Variants in RYR3 observed in about 807,000 individuals in gnomAD.
RYR3 encodes ryanodine receptor 3.
Under a neutral mutation model 584.3 loss-of-function variants are expected in RYR3, and 207 were observed. The observed-to-expected ratio is 0.35, with a 90% CI of 0.32 to 0.40. The LOEUF (loss-of-function observed/expected upper bound fraction) is 0.40. Ranked by LOEUF, RYR3 falls within the 10% of genes least tolerant of loss-of-function variation. RYR3 has a pLI of 1.00. For synonymous variants in RYR3, 2,416 were observed against 2,248.5 expected (o/e 1.07, Z -2.11); for missense variants, 5,616 against 6,089.2 (o/e 0.92, Z 2.59).
rs1309957780 is a variant in RYR3, at chr15:33,699,849, TG to T, written c.6379+17del. On this transcript the variant is annotated intron_variant, in intron 41 of 103. Coordinates refer to ENST00000634891, the MANE Select transcript of RYR3 (RefSeq NM_001036.6). The stretch of plus-strand genomic sequence containing the variant: ...GTTGGCCTAGGTGCGTAAGTCTTCT[TG>T]TAACTTCCACATCCAAACTCGAAGG... 5 of 1,605,060 alleles carry T rather than the reference TG, an allele frequency of 3.1e-6. No homozygotes were observed.
chr15:33,780,196 C>T lies in RYR3; in HGVS notation c.9138-15C>T, dbSNP rs1457722690. ...GTGGGGGGCCACACTTCTCAATGGA[C>T]TTCTTTGTTTCCAGGCAACGCCCTG... On this transcript the variant is annotated splice_polypyrimidine_tract_variant and intron_variant, in intron 64 of 103. Transcript: ENST00000634891. 8.1e-6 allele frequency: 13 copies of T among 1,612,188 alleles called. No individual in the cohort carries two copies. Among genetic ancestry groups the T allele is most frequent in the African/African-American group, 1.3e-5 (1 of 75,040 alleles).
rs533177969 is a variant in RYR3 at position 33,750,733 on chromosome 15, T to A, written c.8399+447T>A. 3.4e-4 allele frequency among the ~76,000 whole-genome samples: 52 copies of A among 151,032 alleles called. 1 individual carries two copies. The South Asian group carries it at 7.5e-3, about 22-fold the overall frequency. ...GTAAATGCAGTACCCTAGATATTTT[T>A]TTATTATTATTTAAGTTCTGGAGTA... On this transcript the variant is annotated intron_variant, in intron 57 of 103. Transcript: ENST00000634891.
intron 19 of RYR3, among the ~76,000 whole-genome samples, chr15:33,618,450 G>C (rs1404194561): frequency 6.6e-6 from 1 of 152,050 alleles, no homozygotes; most frequent in Non-Finnish European, 1.5e-5. Flanking sequence ...CAGAGAACAT[G>C]ATGGGCACTG....
At chr15:33,790,488 A>T (rs1314273521) in intron 67 of RYR3, among the ~76,000 whole-genome samples, 2 of 152,222 alleles carry the variant, frequency 1.3e-5, no homozygotes, top group Non-Finnish European at 2.9e-5. Flanking sequence ...TTGCCTGAGT[A>T]CATGGAAGAA....
intron 75 of RYR3, 52 bp from the exon 76 acceptor site, chr15:33,818,526 G>A (rs936871623): frequency 7.1e-5 from 96 of 1,355,728 alleles, no homozygotes; most frequent in Middle Eastern, 5.4e-4. Context: ...TGCCAGTCAC[G>A]TGGCACGAGA....
intron 32 of RYR3, among the ~76,000 whole-genome samples, chr15:33,655,806 G>A (rs916681886): frequency 3.3e-5 from 5 of 152,166 alleles, no homozygotes; most frequent in Admixed American, 3.3e-4. Flanking sequence ...TTTGGTCCCT[G>A]ACAGTGGGAT....
In RYR3 at chr15:33,311,471, C is replaced by T. The variant is rs956295715; in HGVS notation, c.51+375C>T. 6.6e-6 allele frequency among the ~76,000 whole-genome samples: 1 copy of T among 152,194 alleles called. No homozygotes were observed. Among genetic ancestry groups the T allele is most frequent in the Non-Finnish European group, 1.5e-5 (1 of 68,032 alleles). On this transcript the variant is annotated intron_variant, in intron 1 of 103. Coordinates refer to ENST00000634891, the MANE Select transcript of RYR3 (RefSeq NM_001036.6). This position sits in a 1 kb window ranked among gnomAD's most constrained non-coding sequence, Gnocchi z 4.4. Reference sequence around the variant, plus strand: ...GCGTTGGAAGCCCTCGCCCCGGGGTCGGCCCTCTGACACCTCCATACTCCA... The same window carrying T: ...GCGTTGGAAGCCCTCGCCCCGGGGTTGGCCCTCTGACACCTCCATACTCCA...
intron 52 of RYR3, among the ~76,000 whole-genome samples, chr15:33,742,912 C>T (rs992002914): frequency 2.0e-5 from 3 of 152,192 alleles, no homozygotes; most frequent in Non-Finnish European, 4.4e-5. Flanking sequence ...AGTGGTAGAA[C>T]TCCCAGACAC....
intron 1 of RYR3, among the ~76,000 whole-genome samples, chr15:33,377,111 G>A (rs1324960939): frequency 2.0e-5 from 3 of 152,174 alleles, no homozygotes; most frequent in Admixed American, 6.5e-5. Context: ...TTAGACAGAC[G>A]TAGACAATAG....
At chr15:33,560,408 A>G (rs1457042394) in intron 10 of RYR3, among the ~76,000 whole-genome samples, 1 of 152,042 alleles carries the variant, frequency 6.6e-6, no homozygotes, top group East Asian at 1.9e-4. Flanking sequence ...ATACAGAATA[A>G]TGATTCATTT....
intron 16 of RYR3, among the ~76,000 whole-genome samples, chr15:33,587,502 A>T (rs926441052): frequency 3.3e-5 from 5 of 152,222 alleles, no homozygotes; most frequent in African/African-American, 1.2e-4. Context: ...ACTTGGTGGC[A>T]AGTTGATTAC....
chr15:33,409,999 C>T (rs186181538), intron 1 of RYR3, among the ~76,000 whole-genome samples: 35 of 152,302 alleles, frequency 2.3e-4, no homozygotes, highest in African/African-American at 8.4e-4. Context: ...TCAAAGCAGG[C>T]ATAAACCCCA....
chr15:33,854,259 C>G, intron 96 of RYR3, 130 bp from the exon 97 acceptor site: 1 of 695,934 alleles, frequency 1.4e-6, no homozygotes, highest in South Asian at 1.8e-5. Context: ...GGAGCACATA[C>G]AACTTGATAA....
intron 15 of RYR3, among the ~76,000 whole-genome samples, chr15:33,585,018 G>A (rs1316931835): frequency 6.6e-6 from 1 of 151,416 alleles, no homozygotes; most frequent in Non-Finnish European, 1.5e-5. Context: ...TGAGCCAAGA[G>A]TGTGGTCATC....
intron 85 of RYR3, among the ~76,000 whole-genome samples, chr15:33,827,636 T>G (rs1432881927): frequency 2.0e-5 from 3 of 152,222 alleles, no homozygotes; most frequent in Non-Finnish European, 2.9e-5. Flanking sequence ...AAAAAAGACT[T>G]ACACGAGATG....
At chr15:33,725,970 C>CG (rs1473211039) in intron 45 of RYR3, among the ~76,000 whole-genome samples, 6 of 30,662 alleles carry the variant, frequency 2.0e-4, no homozygotes, top group Non-Finnish European at 4.1e-4. Flanking sequence ...ACTCCATCCC[C>CG]CCCCCCAAAA....
At chr15:33,337,420 C>T (rs898419925) in intron 1 of RYR3, among the ~76,000 whole-genome samples, 8 of 152,162 alleles carry the variant, frequency 5.3e-5, no homozygotes, top group African/African-American at 1.9e-4. Context: ...AATCAAGCAA[C>T]TGATAATTCC....
chr15:33,864,094 G>C, intron 102 of RYR3, 44 bp from the exon 103 acceptor site: 4 of 1,447,956 alleles, frequency 2.8e-6, no homozygotes, highest in Non-Finnish European at 3.8e-6. Flanking sequence ...GAATGAACTT[G>C]GGTCTTGACC....
chr15:33,612,663 G>A (rs1457834366), intron 18 of RYR3, among the ~76,000 whole-genome samples: 4 of 152,192 alleles, frequency 2.6e-5, no homozygotes, highest in South Asian at 4.1e-4. Flanking sequence ...CCCAGCCTAT[G>A]TAGCATAGTT....
Sources: allele counts gnomAD v4.1 joint callset (sites outside exome capture counted in the v4.1 genomes callset), GRCh38; gene constraint gnomAD v4.1.1; non-coding constraint Gnocchi (gnomAD v3.1); transcripts MANE v1.5; gene names NCBI Gene and HGNC (gene_info 2026-07-23, HGNC 2026-07-21).